JPH2: variants seen among roughly 807,000 people sequenced by gnomAD.
The protein encoded by JPH2 is junctophilin 2.
A neutral mutation model predicts 55.9 loss-of-function variants in JPH2; 38 were observed. That is an observed-to-expected ratio of 0.68 (90% CI 0.52 to 0.89). JPH2 has a LOEUF of 0.89. JPH2 is among the 40% of genes least tolerant of loss of function. The pLI is 0.00. For missense variants in JPH2, 964 were observed against 1,037.6 expected (o/e 0.93, Z 0.97); for synonymous variants, 480 against 472.4 (o/e 1.02, Z -0.21).
At chr20:44,119,916 A>G (rs1012667276) in intron 2 of JPH2, among the ~76,000 whole-genome samples, 1 of 150,588 alleles carries the variant, frequency 6.6e-6, no homozygotes, top group African/African-American at 2.4e-5. Flanking sequence ...CCTACCCCTA[A>G]ACCTAGGCAG....
intron 2 of JPH2, among the ~76,000 whole-genome samples, chr20:44,136,529 CTTAA>C (rs1324291640): frequency 2.0e-5 from 3 of 152,128 alleles, no homozygotes; most frequent in South Asian, 2.1e-4. Flanking sequence ...CATGCGTTTT[CTTAA>C]TTAATTCTCA....
Position 44,160,349 on chromosome 20 carries a change from GCTCTGGCGTA to G in JPH2, c.428_437del (p.Val143AlafsTer160), listed in dbSNP as rs1569210544. 2 of 1,594,116 alleles carry G rather than the reference GCTCTGGCGTA, an allele frequency of 1.3e-6. No homozygotes were observed. Among genetic ancestry groups the G allele is most frequent in the Non-Finnish European group, 1.7e-6 (2 of 1,171,012 alleles). On this transcript the variant is annotated frameshift_variant, in exon 2 of 6. Coordinates refer to ENST00000372980, the MANE Select transcript of JPH2 (RefSeq NM_020433.5). LOFTEE classifies it high-confidence loss of function. This position sits in a 1 kb window ranked among gnomAD's most constrained non-coding sequence, Gnocchi z 4.9. ...CCACCACGGCCATCCCGTAGGGCAC[GCTCTGGCGTA>G]CTCCGTAGCCATGGCGCATGCCGTT...
rs991755684 is a variant in JPH2, at chr20:44,107,084, A to T, written c.*6434T>A. On this transcript the variant is annotated 3_prime_UTR_variant, in exon 6 of 6. Transcript: ENST00000372980. Reference sequence around the variant, plus strand: ...ATCCCTAATAAACATCTTGCAGCTTAGGTGACTCTCAGTGTCTGCTCCTGC... The same window carrying T: ...ATCCCTAATAAACATCTTGCAGCTTTGGTGACTCTCAGTGTCTGCTCCTGC... Among the ~76,000 whole-genome samples the T allele has an allele frequency of 2.2e-4, 33 of 152,176 alleles. No individual in the cohort carries two copies. Among genetic ancestry groups the T allele is most frequent in the Non-Finnish European group, 7.3e-5 (5 of 68,030 alleles).
chr20:44,113,986 C>A (rs56045951), intron 5 of JPH2, among the ~76,000 whole-genome samples: 1 of 152,162 alleles, frequency 6.6e-6, no homozygotes, highest in Non-Finnish European at 1.5e-5. Context: ...CCAGCCCAAA[C>A]TAAGCTAGGA....
chr20:44,170,033 G>C (rs1047688694), intron 1 of JPH2, among the ~76,000 whole-genome samples: 5 of 152,168 alleles, frequency 3.3e-5, no homozygotes, highest in Non-Finnish European at 5.9e-5. Context: ...AAACTACACA[G>C]TTTCAGGTAT....
At chr20:44,115,018 C>T in intron 4 of JPH2, 142 bp from the exon 5 acceptor site, 1 of 712,974 alleles carries the variant, frequency 1.4e-6, no homozygotes. Context: ...CTGCTGTATC[C>T]TGTCACCTGG....
intron 2 of JPH2, among the ~76,000 whole-genome samples, chr20:44,120,517 T>C (rs1348005424): frequency 1.3e-5 from 2 of 152,186 alleles, no homozygotes; most frequent in Non-Finnish European, 2.9e-5. Context: ...GGTGCTGTTA[T>C]TATTATCCCT....
intron 2 of JPH2, among the ~76,000 whole-genome samples, chr20:44,154,203 A>G (rs976147416): frequency 6.6e-6 from 1 of 152,216 alleles, no homozygotes; most frequent in Non-Finnish European, 1.5e-5. Flanking sequence ...TAAATATAAC[A>G]TGTATCACAT....
intron 2 of JPH2, among the ~76,000 whole-genome samples, chr20:44,125,249 G>A (rs1021457772): frequency 1.3e-5 from 2 of 152,032 alleles, no homozygotes; most frequent in Non-Finnish European, 2.9e-5. Flanking sequence ...TTGTCATAGA[G>A]ACCATATGAC....
chr20:44,131,349 G>A (rs2072316920), intron 2 of JPH2, among the ~76,000 whole-genome samples: 1 of 152,208 alleles, frequency 6.6e-6, no homozygotes, highest in Non-Finnish European at 1.5e-5. Flanking sequence ...GCTTTCAGAT[G>A]AGACCACAGC....
chr20:44,126,755 G>A (rs2072279993), intron 2 of JPH2, among the ~76,000 whole-genome samples: 1 of 152,212 alleles, frequency 6.6e-6, no homozygotes, highest in Admixed American at 6.5e-5. Flanking sequence ...CCAGAACTGG[G>A]TGCTAGAGAC....
In JPH2 at chr20:44,160,247, G is replaced by C. The variant is rs1055580234; in HGVS notation, c.540C>G (p.Pro180=). ...CGGGGCCGTCGGAGGCCGGCGAGGCGGGAGAGTCCGGGGCCACCGTGCCGT... is the reference window on the plus strand; with the variant it reads ...CGGGGCCGTCGGAGGCCGGCGAGGCCGGAGAGTCCGGGGCCACCGTGCCGT... The part of the protein sequence containing the change: ...HSNGTVAPDS[P]ASPASDGPAL... Residue 180 remains proline (P), a synonymous_variant, in exon 2 of 6, where the codon CCC becomes CCG. Transcript: ENST00000372980. The surrounding 1 kb of genome is among the most constrained non-coding windows in gnomAD (Gnocchi z 4.9). 7 of 1,515,186 alleles carry C rather than the reference G, an allele frequency of 4.6e-6. No individual in the cohort carries two copies. Among genetic ancestry groups the C allele is most frequent in the African/African-American group, 2.8e-5 (2 of 70,426 alleles). The allele number at this position is 1,515,186 out of a possible 1,614,324, so 93.9% of individuals were successfully genotyped here.
intron 1 of JPH2, among the ~76,000 whole-genome samples, chr20:44,171,159 T>C (rs567046412): frequency 6.6e-6 from 1 of 152,138 alleles, no homozygotes. Context: ...GAAGCTGAGA[T>C]GATGTGTGGG....
At chr20:44,174,657 C>A (rs1167361872) in intron 1 of JPH2, among the ~76,000 whole-genome samples, 1 of 152,006 alleles carries the variant, frequency 6.6e-6, no homozygotes, top group African/African-American at 2.4e-5. Context: ...GCCTGTAATC[C>A]CAGCTACTCG....
In JPH2 at chr20:44,185,460, C is replaced by CA. The variant is rs761422442; in HGVS notation, c.379+866dup. Reference sequence around the variant, plus strand: ...GCAATATGGAAAAGCCCTGTCTCTACAAAAAAAAAAATAATAATACAAAAA... The same window carrying CA: ...GCAATATGGAAAAGCCCTGTCTCTACAAAAAAAAAAAATAATAATACAAAAA... On this transcript the variant is annotated intron_variant, in intron 1 of 5. Transcript: ENST00000372980. 6.1e-4 allele frequency among the ~76,000 whole-genome samples: 28 copies of CA among 45,750 alleles called. No homozygotes were observed. In the South Asian group the frequency reaches 8.4e-3, roughly 14 times the overall value. 30.0% of individuals were successfully genotyped at this position (45,750 alleles called of 152,430 possible).
In JPH2 at chr20:44,134,877, T is replaced by C. The variant is rs1214696319; in HGVS notation, c.1170-16254A>G. ...AAATATATATATAAATATATATATTTATATATATATTAATATATATTTATA... is the reference window on the plus strand; with the variant it reads ...AAATATATATATAAATATATATATTCATATATATATTAATATATATTTATA... On this transcript the variant is annotated intron_variant, in intron 2 of 5. Coordinates refer to ENST00000372980, the MANE Select transcript of JPH2 (RefSeq NM_020433.5). Among the ~76,000 whole-genome samples, 2 of 10,030 alleles carry C rather than the reference T, an allele frequency of 2.0e-4. 1 individual carries two copies. Among genetic ancestry groups the C allele is most frequent in the Non-Finnish European group, 3.6e-4 (2 of 5,548 alleles). The allele number at this position is 10,030 out of a possible 152,430, so 6.6% of individuals were successfully genotyped here. A position where few individuals can be genotyped will look rare whatever the true frequency, so the allele number is the denominator to read the frequency against.
chr20:44,129,720 G>C (rs1030486048), intron 2 of JPH2, among the ~76,000 whole-genome samples: 1 of 152,150 alleles, frequency 6.6e-6, no homozygotes, highest in Admixed American at 6.5e-5. Flanking sequence ...GGGCTTTGCA[G>C]GTGTGATTAA....
At chr20:44,172,919 G>A (rs1831372163) in intron 1 of JPH2, among the ~76,000 whole-genome samples, 1 of 152,070 alleles carries the variant, frequency 6.6e-6, no homozygotes, top group Admixed American at 6.6e-5. Flanking sequence ...GTGGAGCTTG[G>A]AGATTAAAAC....
Position 44,111,928 on chromosome 20 carries a change from T to C in JPH2, c.*1590A>G. 6.6e-6 allele frequency: 1 copy of C among 152,486 alleles called. No homozygotes were observed. Among genetic ancestry groups the C allele is most frequent in the Non-Finnish European group, 1.5e-5 (1 of 68,270 alleles). 9.4% of individuals were successfully genotyped at this position (152,486 alleles called of 1,614,324 possible). A position where few individuals can be genotyped will look rare whatever the true frequency, so the allele number is the denominator to read the frequency against. ...CATTCCCCTCATGCTCCAGGAGTCT[T>C]GAGAAGCTCAGATGCAGATGCAGAG... On this transcript the variant is annotated 3_prime_UTR_variant, in exon 6 of 6. Transcript: ENST00000372980.
Sources: gnomAD v4.1 joint callset for allele counts (sites outside exome capture counted in the v4.1 genomes callset) on GRCh38, gnomAD v4.1.1 for gene constraint, Gnocchi (gnomAD v3.1) non-coding constraint, MANE v1.5 for transcripts, NCBI Gene and HGNC (gene_info 2026-07-23, HGNC 2026-07-21) for gene names.